Variants in FMN1 observed in about 807,000 individuals in gnomAD.
FMN1 encodes the protein formin-1.
FMN1 carries 110 observed loss-of-function variants against 132.4 expected under a neutral mutation model. The observed-to-expected ratio is 0.83, with a 90% CI of 0.71 to 0.97. FMN1 has a LOEUF of 0.97. FMN1 is among the 50% of genes least tolerant of loss of function. The pLI is 0.00. For synonymous variants in FMN1, 722 were observed against 651.7 expected, an observed-to-expected ratio of 1.11 and a Z score of -1.64; for missense variants, 1,792 against 1,705.3, an observed-to-expected ratio of 1.05 and a Z score of -0.90.
intron 4 of FMN1, among the ~76,000 whole-genome samples, chr15:33,125,105 G>A (rs1962926257): frequency 6.6e-6 from 1 of 151,942 alleles, no homozygotes; most frequent in African/African-American, 2.4e-5. Flanking sequence ...ATAACATAAT[G>A]CCTTAGAACA....
chr15:32,818,107 A>G (rs914306237), intron 17 of FMN1, among the ~76,000 whole-genome samples: 2 of 152,294 alleles, frequency 1.3e-5, no homozygotes, highest in African/African-American at 4.8e-5. Context: ...TTCATTTCAT[A>G]AATGTATATA....
intron 7 of FMN1, among the ~76,000 whole-genome samples, chr15:32,971,547 C>G (rs2031794182): frequency 6.6e-6 from 1 of 152,152 alleles, no homozygotes; most frequent in African/African-American, 2.4e-5. Context: ...CCACCCACAT[C>G]TTAGCCCTGA....
chr15:33,179,940 G>T (rs1391315609), intron 3 of FMN1, among the ~76,000 whole-genome samples: 1 of 152,184 alleles, frequency 6.6e-6, no homozygotes, highest in East Asian at 1.9e-4. Context: ...CCTTAGATAA[G>T]TAAGGAGCTG....
chr15:32,795,592 T>TG (rs910753279), intron 19 of FMN1, among the ~76,000 whole-genome samples: 17 of 136,564 alleles, frequency 1.2e-4, no homozygotes, highest in Middle Eastern at 3.6e-3. Context: ...TTAATGGGGG[T>TG]GGGGGGGTGG....
chr15:32,840,148 G>A (rs2058714778), intron 17 of FMN1, among the ~76,000 whole-genome samples: 1 of 152,158 alleles, frequency 6.6e-6, no homozygotes, highest in African/African-American at 2.4e-5. Context: ...CCCAGTCTAG[G>A]GTGCTGCTCA....
intron 5 of FMN1, among the ~76,000 whole-genome samples, chr15:33,071,590 C>T (rs924513891): frequency 6.6e-6 from 1 of 152,180 alleles, no homozygotes; most frequent in African/African-American, 2.4e-5. Flanking sequence ...GACTTTATCC[C>T]CCAGGTTCAG....
intron 17 of FMN1, among the ~76,000 whole-genome samples, chr15:32,851,322 T>C (rs1053858141): frequency 1.3e-5 from 2 of 152,196 alleles, no homozygotes; most frequent in East Asian, 1.9e-4. Flanking sequence ...TTTAACAGCA[T>C]GAAAAGACCA....
intron 15 of FMN1, among the ~76,000 whole-genome samples, chr15:32,891,234 G>A (rs1043788512): frequency 6.6e-6 from 1 of 152,120 alleles, no homozygotes; most frequent in East Asian, 1.9e-4. Flanking sequence ...GTTCTTTTAT[G>A]GTTCCGTATG....
At chr15:33,054,229 G>C (rs572479732) in intron 6 of FMN1, among the ~76,000 whole-genome samples, 108 of 152,272 alleles carry the variant, frequency 7.1e-4, no homozygotes, top group African/African-American at 2.5e-3. Context: ...TAGGAGATCT[G>C]TGCCTGGAAA....
chr15:33,052,006 C>CTG (rs1327023379), intron 6 of FMN1, among the ~76,000 whole-genome samples: 1 of 152,212 alleles, frequency 6.6e-6, no homozygotes, highest in Non-Finnish European at 1.5e-5. Context: ...GTCTCTCACT[C>CTG]TGCTGCCTTA....
At position 33,017,709 on chromosome 15, in the gene FMN1, T is replaced by G. The variant is rs76188464; in HGVS notation, c.2162-9634A>C. The stretch of plus-strand genomic sequence containing the variant: ...TCAGTATCAAAAGATGGGGGGAAAC[T>G]TCTAATTCTCCAAGCCACTAGTTTC... On this transcript the variant is annotated intron_variant, in intron 6 of 20. Coordinates refer to ENST00000616417, the MANE Select transcript of FMN1 (RefSeq NM_001277313.2). Among the ~76,000 whole-genome samples the G allele has an allele frequency of 7.2e-3, 1,099 of 152,304 alleles. 11 individuals are homozygous for G. The highest frequency in any genetic ancestry group is 0.025 in the African/African-American group (1,020 of 41,558).
chr15:33,156,442 C>A (rs1964676604), intron 3 of FMN1, among the ~76,000 whole-genome samples: 1 of 151,882 alleles, frequency 6.6e-6, no homozygotes, highest in East Asian at 1.9e-4. Context: ...CACCACCACC[C>A]AGCTAGTTTT....
At chr15:32,999,459 T>A (rs1482473897) in intron 7 of FMN1, among the ~76,000 whole-genome samples, 1 of 152,180 alleles carries the variant, frequency 6.6e-6, no homozygotes, top group African/African-American at 2.4e-5. Flanking sequence ...GAGGCCAGCA[T>A]ACCATTTCAT....
At position 32,862,747 on chromosome 15, in the gene FMN1, TG is replaced by T. The variant is rs538754893; in HGVS notation, c.3836-5641del. On this transcript the variant is annotated intron_variant, in intron 16 of 20. Transcript: ENST00000616417. ...ATCAAATGTATGTGGGCAATTGGTA[TG>T]AAGATATGAAACTTGTTTCTTTTTG... Among the ~76,000 whole-genome samples, 137 of 152,364 alleles carry T rather than the reference TG, an allele frequency of 9.0e-4. No individual in the cohort carries two copies. The South Asian group carries it at 0.027, about 30-fold the overall frequency.
chr15:33,145,704 C>A (rs1236296979), intron 4 of FMN1, among the ~76,000 whole-genome samples: 1 of 151,120 alleles, frequency 6.6e-6, no homozygotes. Flanking sequence ...AGACTCTGGA[C>A]GGGCATGACT....
chr15:33,039,575 A>G (rs904646947), intron 6 of FMN1, among the ~76,000 whole-genome samples: 3 of 152,224 alleles, frequency 2.0e-5, no homozygotes, highest in Non-Finnish European at 2.9e-5. Context: ...TAAAAATAAT[A>G]AAGACTACTA....
At chr15:32,819,769 T>C (rs1044049415) in intron 17 of FMN1, among the ~76,000 whole-genome samples, 2 of 152,174 alleles carry the variant, frequency 1.3e-5, no homozygotes, top group African/African-American at 4.8e-5. Context: ...AAACCACTTC[T>C]CATTTTGACG....
intron 5 of FMN1, among the ~76,000 whole-genome samples, chr15:33,068,508 G>A (rs1041596060): frequency 5.3e-5 from 8 of 152,118 alleles, no homozygotes; most frequent in African/African-American, 1.9e-4. Context: ...CAAAAAACTA[G>A]CAGTACACCC....
chr15:33,055,330 C>T (rs533288053), intron 6 of FMN1, among the ~76,000 whole-genome samples: 30 of 152,298 alleles, frequency 2.0e-4, no homozygotes, highest in African/African-American at 6.3e-4. Flanking sequence ...TTGTCCTACC[C>T]TTCCAGATTG....
Sources: allele counts gnomAD v4.1 joint callset (sites outside exome capture counted in the v4.1 genomes callset), GRCh38; gene constraint gnomAD v4.1.1; transcripts MANE v1.5; gene names NCBI Gene and HGNC (gene_info 2026-07-23, HGNC 2026-07-21).